The following PDE4B variants were observed in gnomAD, a reference collection of about 807,000 sequenced individuals.
The protein encoded by PDE4B is 3',5'-cyclic-AMP phosphodiesterase 4B.
A neutral mutation model predicts 82.2 loss-of-function variants in PDE4B; 20 were observed. That is an observed-to-expected ratio of 0.24 (90% CI 0.17 to 0.35). The LOEUF (loss-of-function observed/expected upper bound fraction) is 0.35, where lower values mean the gene tolerates loss of function less well. PDE4B is among the 10% of genes least tolerant of loss of function. The probability of loss-of-function intolerance (pLI) is 1.00; values close to 1 mark genes in which losing one functional copy is unlikely to be tolerated. For missense variants in PDE4B, 655 were observed against 907.2 expected (o/e 0.72, Z 3.57); for synonymous variants, 320 against 318.9 (o/e 1.00, Z -0.04).
intron 7 of PDE4B, among the ~76,000 whole-genome samples, chr1:66,322,262 A>G (rs150134866): frequency 0.01 from 1,595 of 152,322 alleles, 27 homozygotes; most frequent in East Asian, 0.062. Context: ...ATGGGCAAAG[A>G]CTTCATGACT....
intron 3 of PDE4B, among the ~76,000 whole-genome samples, chr1:66,162,891 A>C (rs998972895): frequency 6.6e-6 from 1 of 152,164 alleles, no homozygotes. Context: ...TTAATTATCA[A>C]TTGTGTTTTT....
Position 66,068,170 on chromosome 1 carries a change from G to A in PDE4B, c.281+149335G>A, listed in dbSNP as rs914677961. Among the ~76,000 whole-genome samples, 53 of 151,214 alleles carry A rather than the reference G, an allele frequency of 3.5e-4. 1 individual carries two copies. Among genetic ancestry groups the A allele is most frequent in the Non-Finnish European group, 3.7e-4 (25 of 67,822 alleles). On this transcript the variant is annotated intron_variant, in intron 3 of 16. Coordinates refer to ENST00000341517, the MANE Select transcript of PDE4B (RefSeq NM_002600.4). ...GGGAGCTATATGTATAATTGTTCTC[G>A]CTTCCGTGAAAAGCCAGGAAGACAA...
At chr1:66,265,576 C>T (rs1654969860) in intron 6 of PDE4B, among the ~76,000 whole-genome samples, 1 of 152,102 alleles carries the variant, frequency 6.6e-6, no homozygotes, top group Admixed American at 6.5e-5. Context: ...GACTTCACCT[C>T]TCTAGGTCTC....
chr1:66,283,697 T>TC (rs1183656987), intron 7 of PDE4B, among the ~76,000 whole-genome samples: 1 of 152,144 alleles, frequency 6.6e-6, no homozygotes, highest in Non-Finnish European at 1.5e-5. Flanking sequence ...GGAAGATATC[T>TC]CACACATATG....
intron 3 of PDE4B, among the ~76,000 whole-genome samples, chr1:66,031,774 A>T (rs1653790524): frequency 6.6e-6 from 1 of 151,916 alleles, no homozygotes; most frequent in South Asian, 2.1e-4. Flanking sequence ...TGGTTTTCAA[A>T]GTTTTTTCTC....
chr1:65,966,495 G>A (rs1161497607), intron 3 of PDE4B, among the ~76,000 whole-genome samples: 1 of 152,164 alleles, frequency 6.6e-6, no homozygotes, highest in East Asian at 1.9e-4. Context: ...CAGATTCAAT[G>A]CTATTCCCAT....
intron 7 of PDE4B, among the ~76,000 whole-genome samples, chr1:66,325,030 GC>G (rs146595007): frequency 0.032 from 4,877 of 152,234 alleles, 113 homozygotes; most frequent in South Asian, 0.062. Flanking sequence ...TAGGCCAGTA[GC>G]CTCAACCTAA....
chr1:65,906,700 G>C (rs558996451), intron 1 of PDE4B, among the ~76,000 whole-genome samples: 5 of 152,164 alleles, frequency 3.3e-5, no homozygotes, highest in African/African-American at 1.2e-4. Flanking sequence ...TCAGCAAATT[G>C]AATATTAAGA....
At chr1:66,259,081 G>A (rs1570573460) in intron 6 of PDE4B, among the ~76,000 whole-genome samples, 2 of 152,316 alleles carry the variant, frequency 1.3e-5, no homozygotes. Context: ...TATATGTAGT[G>A]CAATGTATAT....
At chr1:66,247,744 C>T in intron 4 of PDE4B, 90 bp downstream of exon 4, 2 of 973,840 alleles carry the variant, frequency 2.1e-6, no homozygotes, top group Non-Finnish European at 3.0e-6. Context: ...CCCCATTAAT[C>T]TATGGTAAGG....
At chr1:66,125,113 C>T (rs2101091105) in intron 3 of PDE4B, among the ~76,000 whole-genome samples, 1 of 150,294 alleles carries the variant, frequency 6.7e-6, no homozygotes, top group Non-Finnish European at 1.5e-5. Flanking sequence ...TTTCCTATAT[C>T]TCTAAATGCT....
intron 3 of PDE4B, among the ~76,000 whole-genome samples, chr1:65,966,778 C>T (rs543213959): frequency 1.7e-4 from 26 of 152,178 alleles, no homozygotes; most frequent in South Asian, 1.0e-3. Context: ...CAAAAACAAA[C>T]GATGGGGAAA....
At chr1:65,794,413 T>C (rs1645608685) in intron 1 of PDE4B, among the ~76,000 whole-genome samples, 1 of 152,216 alleles carries the variant, frequency 6.6e-6, no homozygotes, top group African/African-American at 2.4e-5. Context: ...ACCAATTATA[T>C]TCATAAAAAC....
chr1:66,223,031 C>T (rs768649365), intron 3 of PDE4B, among the ~76,000 whole-genome samples: 1 of 152,040 alleles, frequency 6.6e-6, no homozygotes, highest in Non-Finnish European at 1.5e-5. Context: ...TTTAACGAAA[C>T]GTTAACTCTA....
intron 3 of PDE4B, among the ~76,000 whole-genome samples, chr1:66,141,647 G>A (rs946902876): frequency 2.0e-5 from 3 of 151,972 alleles, no homozygotes; most frequent in African/African-American, 7.3e-5. Context: ...CCTCTGGGAA[G>A]AGTATACATA....
chr1:65,990,609 C>A (rs548442728), intron 3 of PDE4B, among the ~76,000 whole-genome samples: 4 of 152,178 alleles, frequency 2.6e-5, no homozygotes, highest in Admixed American at 1.3e-4. Context: ...TCAAATAGGG[C>A]AGTTAAAATA....
intron 3 of PDE4B, among the ~76,000 whole-genome samples, chr1:65,930,619 C>T (rs1647779192): frequency 6.6e-6 from 1 of 152,198 alleles, no homozygotes; most frequent in Non-Finnish European, 1.5e-5. Context: ...TAATGACCAC[C>T]CTGCTGGGTT....
At chr1:66,226,683 C>T (rs1369947234) in intron 3 of PDE4B, among the ~76,000 whole-genome samples, 3 of 152,134 alleles carry the variant, frequency 2.0e-5, no homozygotes, top group South Asian at 2.1e-4. Context: ...AAAATGAGAT[C>T]GGAAAGCAGA....
In PDE4B at chr1:66,361,602, TTG is replaced by T. The variant is rs1243548275; in HGVS notation, c.842-11_842-10del. 1.9e-6 allele frequency: 3 copies of T among 1,607,764 alleles called. No individual in the cohort carries two copies. The African/African-American group carries it at 4.0e-5, about 22-fold the overall frequency. The stretch of plus-strand genomic sequence containing the variant: ...CACATGTGCTGAAAAACATATTCCT[TTG>T]TCTGTTGCAGACAAGCAGAATGATG... On this transcript the variant is annotated splice_polypyrimidine_tract_variant and intron_variant, in intron 9 of 16. Transcript: ENST00000341517.
Sources: gnomAD v4.1 joint callset for allele counts (sites outside exome capture counted in the v4.1 genomes callset) on GRCh38, gnomAD v4.1.1 for gene constraint, MANE v1.5 for transcripts, NCBI Gene and HGNC (gene_info 2026-07-23, HGNC 2026-07-21) for gene names.